Variants in TSPAN15 observed in about 807,000 individuals in gnomAD.
TSPAN15 encodes tetraspanin 15, also known as tetraspanin-15.
Under a neutral mutation model 34.5 loss-of-function variants are expected in TSPAN15, and 20 were observed. The observed-to-expected ratio is 0.58, with a 90% confidence interval of 0.41 to 0.84. TSPAN15 has a LOEUF of 0.84. Among genes scored for constraint, TSPAN15 ranks in the 40% least tolerant of loss-of-function variants. The pLI is 0.00. For missense variants in TSPAN15, 313 were observed against 386.1 expected (o/e 0.81, Z 1.59); for synonymous variants, 155 against 153.9 (o/e 1.01, Z -0.05).
intron 1 of TSPAN15, among the ~76,000 whole-genome samples, chr10:69,457,839 G>A (rs1435312338): frequency 6.6e-6 from 1 of 152,236 alleles, no homozygotes; most frequent in Non-Finnish European, 1.5e-5. Flanking sequence ...AGAGCTTAGA[G>A]TGGTGCCTGG....
rs75685637 is a variant in TSPAN15, at chr10:69,506,199, A to G, written c.694A>G (p.Thr232Ala). Reference sequence around the variant, plus strand: ...GATCATCTGGTTCATGGACAACTACACCATCATGGCGGGCATCCTCCTGGG... The same window carrying G: ...GATCATCTGGTTCATGGACAACTACGCCATCATGGCGGGCATCCTCCTGGG... ...AVIIWFMDNYTIMAGILLGIL... is the reference protein window; with the variant it reads ...AVIIWFMDNYAIMAGILLGIL... The change falls in exon 7 of 8, where the codon ACC becomes GCC. Residue 232 changes from threonine (T) to alanine (A), a missense_variant. Coordinates refer to ENST00000373290, the MANE Select transcript of TSPAN15 (RefSeq NM_012339.5). This position sits in a 1 kb window ranked among gnomAD's most constrained non-coding sequence, Gnocchi z 4.7. The G allele has an allele frequency of 3.7e-3, 6,011 of 1,614,156 alleles. 188 individuals carry two copies. The African/African-American group carries it at 0.066, about 18-fold the overall frequency.
the TSPAN15 span, among the ~76,000 whole-genome samples, chr10:69,520,548 C>T: frequency 6.6e-6 from 1 of 152,184 alleles, no homozygotes; most frequent in East Asian, 1.9e-4. Context: ...CCTAGCTACT[C>T]GGGAGGCTGA....
intron 1 of TSPAN15, among the ~76,000 whole-genome samples, chr10:69,468,855 T>C (rs1344555854): frequency 2.6e-5 from 4 of 152,190 alleles, no homozygotes; most frequent in Admixed American, 6.5e-5. Context: ...GTAAGAAATA[T>C]GTTTGTTCTT....
In TSPAN15 at chr10:69,495,616, A is replaced by G. The variant is rs769213898; in HGVS notation, c.380A>G (p.Asn127Ser). Residue 127 changes from asparagine (N) to serine (S), a missense_variant, in exon 4 of 8, where the codon AAC becomes AGC. Asn to Ser is a conservative substitution (Grantham distance 46, BLOSUM62 1). Coordinates refer to ENST00000373290, the MANE Select transcript of TSPAN15 (RefSeq NM_012339.5). ...TAGACCATTGACTTCCTGAACGACA[A>G]CATTCGAAGAGGAATTGAGAACTAC... ...RNQTIDFLND[N>S]IRRGIENYYD... The G allele has an allele frequency of 9.3e-6, 15 of 1,613,600 alleles. No homozygotes were observed. Among genetic ancestry groups the G allele is most frequent in the Admixed American group, 3.3e-5 (2 of 60,012 alleles).
chr10:69,515,550 G>A, the TSPAN15 span, among the ~76,000 whole-genome samples: 1 of 152,210 alleles, frequency 6.6e-6, no homozygotes, highest in Non-Finnish European at 1.5e-5. Flanking sequence ...GGCCAGACTA[G>A]CTTAGTAAGT....
At chr10:69,467,990 A>T (rs999616552) in intron 1 of TSPAN15, among the ~76,000 whole-genome samples, 1 of 152,076 alleles carries the variant, frequency 6.6e-6, no homozygotes, top group Non-Finnish European at 1.5e-5. Context: ...TTACTTGCCT[A>T]CGTTGTACCT....
At chr10:69,483,027 T>C (rs12262170) in intron 1 of TSPAN15, among the ~76,000 whole-genome samples, 65,056 of 151,746 alleles carry the variant, frequency 0.43, 14,238 homozygotes, top group Non-Finnish European at 0.45. Context: ...CTCGCTCTGT[T>C]GCCCAGGCTG....
At chr10:69,476,014 G>A (rs2133097148) in intron 1 of TSPAN15, among the ~76,000 whole-genome samples, 1 of 152,240 alleles carries the variant, frequency 6.6e-6, no homozygotes, top group Non-Finnish European at 1.5e-5. Flanking sequence ...AGGAAGACCT[G>A]CTAGAGTAGA....
chr10:69,453,215 G>T (rs1484934789), intron 1 of TSPAN15, among the ~76,000 whole-genome samples: 1 of 152,134 alleles, frequency 6.6e-6, no homozygotes, highest in Non-Finnish European at 1.5e-5. Context: ...TATGTGGGAT[G>T]GGAGTGGGGG....
At chr10:69,490,087 G>T (rs1841937164) in intron 3 of TSPAN15, among the ~76,000 whole-genome samples, 1 of 152,164 alleles carries the variant, frequency 6.6e-6, no homozygotes. Flanking sequence ...ACCAGGGTAG[G>T]ATCAGTGGGC....
chr10:69,539,430 A>G, the TSPAN15 span, among the ~76,000 whole-genome samples: 45 of 138,686 alleles, frequency 3.2e-4, 3 homozygotes, highest in Middle Eastern at 3.6e-3. Flanking sequence ...AAGAAGAAAG[A>G]AGAAGAAGAA....
chr10:69,548,104 G>T, the TSPAN15 span, among the ~76,000 whole-genome samples: 1 of 152,064 alleles, frequency 6.6e-6, no homozygotes, highest in East Asian at 1.9e-4. Context: ...ACATGGAATT[G>T]GGGAGGAGCA....
intron 1 of TSPAN15, among the ~76,000 whole-genome samples, chr10:69,455,623 T>TC (rs1474867723): frequency 2.8e-4 from 25 of 87,966 alleles, no homozygotes; most frequent in African/African-American, 5.4e-4. Context: ...TCTCTCTCTC[T>TC]CTCCCCCCCC....
At chr10:69,499,422 G>A (rs1842155767) in intron 5 of TSPAN15, among the ~76,000 whole-genome samples, 1 of 152,218 alleles carries the variant, frequency 6.6e-6, no homozygotes, top group Non-Finnish European at 1.5e-5. Flanking sequence ...GAAGTGGGGT[G>A]CTGAGGAGTA....
At chr10:69,495,845 C>T (rs184275202) in intron 4 of TSPAN15, among the ~76,000 whole-genome samples, 156 bp downstream of exon 4, 2 of 152,236 alleles carry the variant, frequency 1.3e-5, no homozygotes, top group African/African-American at 4.8e-5. Flanking sequence ...GCATGGATGG[C>T]CCACCAAGGA....
At chr10:69,519,636 A>G in the TSPAN15 span, among the ~76,000 whole-genome samples, 2 of 152,356 alleles carry the variant, frequency 1.3e-5, no homozygotes, top group East Asian at 1.9e-4. Flanking sequence ...AGGGATATCC[A>G]TAGATGGAAA....
intron 4 of TSPAN15, 22 bp from the exon 5 acceptor site, chr10:69,498,258 C>A: frequency 6.2e-7 from 1 of 1,610,766 alleles, no homozygotes; most frequent in Non-Finnish European, 8.5e-7. Context: ...GGCAGCTCCT[C>A]TTTCCTGCTT....
At chr10:69,498,962 C>G (rs1482637219) in intron 5 of TSPAN15, among the ~76,000 whole-genome samples, 1 of 152,178 alleles carries the variant, frequency 6.6e-6, no homozygotes, top group Non-Finnish European at 1.5e-5. Context: ...CTCCATTGGT[C>G]TTTGGCCTTG....
chr10:69,481,205 GT>G (rs1430039924), intron 1 of TSPAN15, among the ~76,000 whole-genome samples: 1 of 152,212 alleles, frequency 6.6e-6, no homozygotes, highest in Non-Finnish European at 1.5e-5. Flanking sequence ...GTGTATGTGT[GT>G]GTCCTGCCTT....
Sources: gnomAD v4.1 joint callset for allele counts (sites outside exome capture counted in the v4.1 genomes callset) on GRCh38, gnomAD v4.1.1 for gene constraint, Gnocchi (gnomAD v3.1) non-coding constraint, MANE v1.5 for transcripts, NCBI Gene and HGNC (gene_info 2026-07-23, HGNC 2026-07-21) for gene names.